The following CCDC6 variants were observed in gnomAD, a reference collection of about 807,000 sequenced individuals.
CCDC6 encodes coiled-coil domain-containing protein 6.
Under a neutral mutation model 56.6 loss-of-function variants are expected in CCDC6, and 20 were observed. That is an observed-to-expected ratio of 0.35 (90% CI 0.25 to 0.51). The LOEUF is 0.51. CCDC6 is among the 20% of genes least tolerant of loss of function. CCDC6 has a pLI of 0.95. For missense variants in CCDC6, 367 were observed against 601.1 expected (o/e 0.61, Z 4.07); for synonymous variants, 241 against 234.4 (o/e 1.03, Z -0.26).
intron 1 of CCDC6, among the ~76,000 whole-genome samples, chr10:59,891,398 A>T (rs1454575226): frequency 6.6e-6 from 1 of 152,232 alleles, no homozygotes; most frequent in Non-Finnish European, 1.5e-5. Context: ...ATAAAAACAA[A>T]AGCAATAGAA....
At chr10:59,899,199 T>C (rs1350410883) in intron 1 of CCDC6, among the ~76,000 whole-genome samples, 2 of 152,286 alleles carry the variant, frequency 1.3e-5, no homozygotes, top group East Asian at 3.9e-4. Flanking sequence ...GTCAAGAAAA[T>C]TGCAACCATC....
chr10:59,807,052 C>G lies in CCDC6; in HGVS notation c.874G>C (p.Glu292Gln). The G allele has an allele frequency of 6.2e-7, 1 of 1,613,980 alleles. No individual in the cohort carries two copies. Among genetic ancestry groups the G allele is most frequent in the Non-Finnish European group, 8.5e-7 (1 of 1,179,928 alleles). ...QHSEKMAQYL[E>Q]EERHMREENL... ...TCTTCTCTCATGTGACGTTCCTCCT[C>G]CAGATACTGTGCCATTTTCTCTGAA... is the stretch of plus-strand genomic sequence containing the variant. The change falls in exon 6 of 9, where the codon GAG becomes CAG. Residue 292 changes from glutamate to glutamine, a missense_variant. Glu to Gln is a conservative substitution (Grantham distance 29, BLOSUM62 2). Around this residue, in one of 7 missense-constraint regions of CCDC6, gnomAD observed 81 missense variants for 150.8 expected, o/e 0.54. Transcript: ENST00000263102.
chr10:59,894,470 C>T (rs2071447730), intron 1 of CCDC6, among the ~76,000 whole-genome samples: 1 of 152,204 alleles, frequency 6.6e-6, no homozygotes, highest in Admixed American at 6.5e-5. Flanking sequence ...GCCTCCACTC[C>T]TGGATTGAAT....
intron 1 of CCDC6, among the ~76,000 whole-genome samples, chr10:59,879,854 C>T (rs1051800188): frequency 3.9e-5 from 6 of 152,138 alleles, no homozygotes; most frequent in South Asian, 2.1e-4. Flanking sequence ...ATGCAATGAA[C>T]GATAAACCCA....
intron 1 of CCDC6, among the ~76,000 whole-genome samples, chr10:59,881,897 C>T (rs1479704125): frequency 6.6e-6 from 1 of 152,028 alleles, no homozygotes; most frequent in Non-Finnish European, 1.5e-5. Context: ...TGAATACTTA[C>T]GAATACTTAG....
At position 59,865,852 on chromosome 10, in the gene CCDC6, C is replaced by CAAAAAAAAAA. The variant is rs777021321; in HGVS notation, c.304-13160_304-13151dup. ...GTGACAGAGAGAGACTCCATCTCCA[C>CAAAAAAAAAA]AAAAAAAAAAAAAAAAAAAAAAGAA... On this transcript the variant is annotated intron_variant, in intron 1 of 8. Transcript: ENST00000263102. Among the ~76,000 whole-genome samples, 92 of 57,022 alleles carry CAAAAAAAAAA rather than the reference C, an allele frequency of 1.6e-3. 3 individuals carry two copies. Among genetic ancestry groups the CAAAAAAAAAA allele is most frequent in the East Asian group, 2.5e-3 (4 of 1,626 alleles). 37.4% of individuals were successfully genotyped at this position (57,022 alleles called of 152,430 possible).
chr10:59,881,434 G>C (rs2132675024), intron 1 of CCDC6, among the ~76,000 whole-genome samples: 1 of 152,264 alleles, frequency 6.6e-6, no homozygotes, highest in Middle Eastern at 3.4e-3. Context: ...TGTCCCAGAA[G>C]GGGCATAACG....
In CCDC6 at chr10:59,906,383, C is replaced by T; in HGVS notation, c.42G>A (p.Gly14=). The T allele has an allele frequency of 6.3e-7, 1 of 1,587,454 alleles. No individual in the cohort carries two copies. Among genetic ancestry groups the T allele is most frequent in the Non-Finnish European group, 8.5e-7 (1 of 1,175,070 alleles). Reference sequence around the variant, plus strand: ...TGGCGGCCGAGCTGCTGCTGTTGCCCCCCGCCCCGTCCGTGTCGCTCTCGC... The same window carrying T: ...TGGCGGCCGAGCTGCTGCTGTTGCCTCCCGCCCCGTCCGTGTCGCTCTCGC... The part of the protein sequence containing the change: ...SASESDTDGA[G]GNSSSSAAMQ... The change falls in exon 1 of 9, where the codon GGG becomes GGA. Residue 14 remains glycine, a synonymous_variant. Coordinates refer to ENST00000263102, the MANE Select transcript of CCDC6 (RefSeq NM_005436.5).
At chr10:59,906,040 T>TG (rs919572881) in intron 1 of CCDC6, 82 bp downstream of exon 1, 6 of 1,217,860 alleles carry the variant, frequency 4.9e-6, no homozygotes, top group East Asian at 2.4e-5. Flanking sequence ...GGGGAAGACT[T>TG]GGGGGGTGGC....
intron 7 of CCDC6, among the ~76,000 whole-genome samples, chr10:59,795,458 TTTC>T (rs2070506481): frequency 7.0e-6 from 1 of 143,530 alleles, no homozygotes; most frequent in African/African-American, 2.6e-5. Flanking sequence ...TATTATTTTT[TTTC>T]TTATTCATTT....
intron 1 of CCDC6, among the ~76,000 whole-genome samples, chr10:59,858,763 T>C (rs182392846): frequency 2.6e-4 from 40 of 152,320 alleles, no homozygotes; most frequent in East Asian, 1.2e-3. Flanking sequence ...CTTACTTGGA[T>C]ACAGAGCAAT....
chr10:59,849,332 T>C (rs2071019157), intron 2 of CCDC6, among the ~76,000 whole-genome samples: 1 of 152,194 alleles, frequency 6.6e-6, no homozygotes, highest in South Asian at 2.1e-4. Flanking sequence ...CTCCCTTTTG[T>C]GTGTGTTTTC....
Position 59,792,398 on chromosome 10 carries a change from A to G in CCDC6, c.*519T>C. ...GTTAAACAGAAAATATGTCTTGGGC[A>G]CTGATTCATCTAACTTTCTGTTCTA... is the stretch of plus-strand genomic sequence containing the variant. On this transcript the variant is annotated 3_prime_UTR_variant, in exon 9 of 9. Transcript: ENST00000263102. 1 of 416,390 alleles carries G rather than the reference A, an allele frequency of 2.4e-6. No individual in the cohort carries two copies. The highest frequency in any genetic ancestry group is 4.5e-6 in the Non-Finnish European group (1 of 219,804). 25.8% of individuals were successfully genotyped at this position (416,390 alleles called of 1,614,324 possible). A position where few individuals can be genotyped will look rare whatever the true frequency, so the allele number is the denominator to read the frequency against.
At chr10:59,831,465 C>T (rs527689601) in intron 3 of CCDC6, among the ~76,000 whole-genome samples, 13 of 152,254 alleles carry the variant, frequency 8.5e-5, no homozygotes, top group East Asian at 1.9e-4. Flanking sequence ...CAAACGAGAG[C>T]GGTCCTGAGA....
intron 1 of CCDC6, among the ~76,000 whole-genome samples, chr10:59,865,767 G>A (rs748380606): frequency 1.1e-4 from 16 of 144,172 alleles, no homozygotes; most frequent in African/African-American, 3.7e-4. Flanking sequence ...CAGGAGAATC[G>A]CTTGAACCCA....
intron 7 of CCDC6, among the ~76,000 whole-genome samples, chr10:59,797,659 TGAGAGA>T (rs373439987): frequency 6.4e-5 from 7 of 108,844 alleles, no homozygotes; most frequent in South Asian, 3.4e-4. Flanking sequence ...CATGAGTGAG[TGAGAGA>T]GAGAGAGAGT....
chr10:59,788,947 A>G lies in CCDC6; in HGVS notation c.*3970T>C. 1 of 214,320 alleles carries G rather than the reference A, an allele frequency of 4.7e-6. No homozygotes were observed. 13.3% of individuals were successfully genotyped at this position (214,320 alleles called of 1,614,324 possible). ...CTAGTCAAGTTGTAGACAAGCTATC[A>G]TGAACAACATACAGTGTGCACAGAT... On this transcript the variant is annotated 3_prime_UTR_variant, in exon 9 of 9. Transcript: ENST00000263102.
intron 1 of CCDC6, among the ~76,000 whole-genome samples, chr10:59,860,264 G>C (rs114508211): frequency 6.6e-6 from 1 of 152,094 alleles, no homozygotes; most frequent in African/African-American, 2.4e-5. Context: ...CAATGCCCCC[G>C]AGGAAAGGCT....
chr10:59,894,721 T>C (rs952582742), intron 1 of CCDC6, among the ~76,000 whole-genome samples: 18 of 151,774 alleles, frequency 1.2e-4, no homozygotes, highest in African/African-American at 3.9e-4. Context: ...TGTGAAGAGG[T>C]GGCAATATCC....
Sources: gnomAD v4.1 joint callset for allele counts (sites outside exome capture counted in the v4.1 genomes callset) on GRCh38, gnomAD v4.1.1 for gene constraint, gnomAD v4.1.1 regional missense constraint, MANE v1.5 for transcripts, NCBI Gene and HGNC (gene_info 2026-07-23, HGNC 2026-07-21) for gene names.